Variants in ADAMTSL1 observed in about 807,000 individuals in gnomAD.
ADAMTSL1 encodes the protein ADAMTS-like protein 1.
In ADAMTSL1, 126 loss-of-function variants were observed where a neutral mutation model predicts 201.8. The observed-to-expected ratio is 0.62, with a 90% CI of 0.54 to 0.72. ADAMTSL1 has a LOEUF of 0.72. Among genes scored for constraint, ADAMTSL1 ranks in the 30% least tolerant of loss-of-function variants. ADAMTSL1 has a pLI of 0.00. For synonymous variants in ADAMTSL1, 1,121 were observed against 903.4 expected (o/e 1.24, Z -4.32); for missense variants, 2,679 against 2,277.8 (o/e 1.18, Z -3.59).
intron 2 of ADAMTSL1, among the ~76,000 whole-genome samples, chr9:18,267,990 A>T (rs1451269275): frequency 3.3e-5 from 5 of 152,166 alleles, no homozygotes; most frequent in African/African-American, 1.2e-4. Flanking sequence ...GATTTAAAAA[A>T]TTTAAGTATT....
chr9:18,787,826 T>G (rs1421786771), intron 19 of ADAMTSL1, among the ~76,000 whole-genome samples: 1 of 152,166 alleles, frequency 6.6e-6, no homozygotes, highest in Non-Finnish European at 1.5e-5. Flanking sequence ...CCCCTATCCC[T>G]AGTGGATAGG....
intron 1 of ADAMTSL1, among the ~76,000 whole-genome samples, chr9:18,124,817 A>G (rs1280900479): frequency 6.6e-6 from 1 of 152,182 alleles, no homozygotes; most frequent in Non-Finnish European, 1.5e-5. Flanking sequence ...CTTATTTCAA[A>G]TATTAGTTTT....
intron 23 of ADAMTSL1, among the ~76,000 whole-genome samples, chr9:18,840,960 T>C (rs1489134880): frequency 6.7e-6 from 1 of 148,168 alleles, no homozygotes; most frequent in African/African-American, 2.5e-5. Flanking sequence ...GTTTTCTAGA[T>C]ATACAATCAT....
chr9:18,514,919 T>C (rs1320796062), intron 2 of ADAMTSL1, among the ~76,000 whole-genome samples: 2 of 152,240 alleles, frequency 1.3e-5, no homozygotes, highest in Non-Finnish European at 2.9e-5. Context: ...TTTTCACATA[T>C]GGCCTTAGTT....
rs994881090 is a variant in ADAMTSL1 at position 18,613,178 on chromosome 9, G to A, written c.475-9065G>A. On this transcript the variant is annotated intron_variant, in intron 4 of 28. Coordinates refer to ENST00000380548, the MANE Select transcript of ADAMTSL1 (RefSeq NM_001040272.6). ...CACAATGAGATAGCATTTCACACCA[G>A]TCAGAATAGCTATTATTAGAAGGTC... Among the ~76,000 whole-genome samples, 57 of 152,296 alleles carry A rather than the reference G, an allele frequency of 3.7e-4. 1 individual carries two copies. The highest frequency in any genetic ancestry group is 1.3e-3 in the African/African-American group (56 of 41,562).
intron 2 of ADAMTSL1, among the ~76,000 whole-genome samples, chr9:18,444,489 C>T (rs10810969): frequency 0.57 from 86,996 of 151,956 alleles, 24,963 homozygotes; most frequent in African/African-American, 0.6. Flanking sequence ...ATGGGTATTA[C>T]GTATATGTAA....
chr9:18,837,016 T>C (rs1206898693), intron 23 of ADAMTSL1, among the ~76,000 whole-genome samples: 1 of 152,292 alleles, frequency 6.6e-6, no homozygotes, highest in African/African-American at 2.4e-5. Flanking sequence ...TGGAAGTCTT[T>C]AGGGTTTTCT....
chr9:18,563,963 T>A (rs1175907048), intron 3 of ADAMTSL1, among the ~76,000 whole-genome samples: 1 of 152,156 alleles, frequency 6.6e-6, no homozygotes, highest in East Asian at 1.9e-4. Context: ...GGGGGTGGCA[T>A]CCGCTAAGCT....
chr9:18,225,526 C>A (rs1361843771), intron 2 of ADAMTSL1, among the ~76,000 whole-genome samples: 1 of 152,202 alleles, frequency 6.6e-6, no homozygotes, highest in African/African-American at 2.4e-5. Flanking sequence ...TTCTACTAGG[C>A]AATACGTTAT....
chr9:18,596,311 T>C (rs998076723), intron 4 of ADAMTSL1, among the ~76,000 whole-genome samples: 13 of 152,182 alleles, frequency 8.5e-5, no homozygotes, highest in African/African-American at 2.7e-4. Flanking sequence ...GTACGTGGTG[T>C]GGGCTTTAAT....
intron 13 of ADAMTSL1, among the ~76,000 whole-genome samples, chr9:18,698,083 G>A (rs1178105064): frequency 2.6e-5 from 4 of 152,092 alleles, no homozygotes; most frequent in African/African-American, 9.7e-5. Context: ...TTAGAGTAGT[G>A]CCTGGCACAT....
intron 3 of ADAMTSL1, among the ~76,000 whole-genome samples, chr9:18,538,699 T>C (rs906860632): frequency 3.9e-5 from 6 of 152,140 alleles, no homozygotes; most frequent in Non-Finnish European, 7.3e-5. Context: ...CTCGTTGAGG[T>C]TGTGAAAATT....
At chr9:18,471,360 G>C (rs1326416509), upstream of ADAMTSL1, among the ~76,000 whole-genome samples, 1 of 152,174 alleles carries the variant, frequency 6.6e-6, no homozygotes, top group East Asian at 1.9e-4. Context: ...GTTCTAGCCA[G>C]CAAAGCTTTA....
At chr9:18,816,524 A>C (rs969234204) in intron 20 of ADAMTSL1, among the ~76,000 whole-genome samples, 1 of 152,176 alleles carries the variant, frequency 6.6e-6, no homozygotes, top group East Asian at 1.9e-4. Context: ...GGCATGAGCC[A>C]CTGCACCCAG....
At chr9:18,272,232 C>G (rs932308217) in intron 2 of ADAMTSL1, among the ~76,000 whole-genome samples, 12 of 152,216 alleles carry the variant, frequency 7.9e-5, no homozygotes, top group African/African-American at 2.6e-4. Flanking sequence ...GTAACCAAAA[C>G]AGCATGGTAC....
intron 23 of ADAMTSL1, among the ~76,000 whole-genome samples, chr9:18,869,025 G>T (rs1208457891): frequency 6.6e-6 from 1 of 152,162 alleles, no homozygotes; most frequent in Non-Finnish European, 1.5e-5. Flanking sequence ...CAACATGACT[G>T]GTGTCCTTAT....
intron 2 of ADAMTSL1, among the ~76,000 whole-genome samples, chr9:18,366,779 G>A (rs894780604): frequency 7.3e-5 from 11 of 151,012 alleles, no homozygotes; most frequent in African/African-American, 2.4e-4. Flanking sequence ...CACCATTCCC[G>A]GCTAATTTTT....
intron 3 of ADAMTSL1, among the ~76,000 whole-genome samples, chr9:18,568,281 G>A (rs1445027541): frequency 6.6e-6 from 1 of 151,896 alleles, no homozygotes; most frequent in Non-Finnish European, 1.5e-5. Flanking sequence ...TCTTAACTTT[G>A]AATAAAAGAT....
At chr9:18,631,437 A>C (rs1441013912) in intron 5 of ADAMTSL1, among the ~76,000 whole-genome samples, 1 of 152,196 alleles carries the variant, frequency 6.6e-6, no homozygotes. Flanking sequence ...CCTCCTCAAG[A>C]TTGGCAGACT....
Sources: gnomAD v4.1 joint callset for allele counts (sites outside exome capture counted in the v4.1 genomes callset) on GRCh38, gnomAD v4.1.1 for gene constraint, MANE v1.5 for transcripts, NCBI Gene and HGNC (gene_info 2026-07-23, HGNC 2026-07-21) for gene names.